The following RGS6 variants were observed in gnomAD, a reference collection of about 807,000 sequenced individuals.
RGS6 encodes the protein regulator of G protein signaling 6, also known as regulator of G-protein signaling 6.
A neutral mutation model predicts 78.5 loss-of-function variants in RGS6; 30 were observed. That is an observed-to-expected ratio of 0.38 (90% CI 0.29 to 0.52). The LOEUF (loss-of-function observed/expected upper bound fraction) is 0.52, where lower values mean the gene tolerates loss of function less well. RGS6 is among the 20% of genes least tolerant of loss of function. The pLI is 0.85. For missense variants in RGS6, 495 were observed against 609.7 expected (o/e 0.81, Z 1.98); for synonymous variants, 206 against 206.0 (o/e 1.00, Z 0.00).
chr14:72,022,498 T>G (rs1019496661), intron 2 of RGS6: 4 of 152,236 alleles, frequency 2.6e-5, no homozygotes, highest in African/African-American at 9.6e-5. Flanking sequence ...TGGAGATACC[T>G]CTTACCTTTG....
intron 1 of RGS6, among the ~76,000 whole-genome samples, chr14:71,958,019 GCA>G (rs1491500735): frequency 2.2e-5 from 3 of 134,318 alleles, no homozygotes; most frequent in African/African-American, 8.0e-5. Context: ...CCTCATGCAT[GCA>G]TATATATATA....
At chr14:72,354,764 T>C (rs1423547257) in intron 3 of RGS6, among the ~76,000 whole-genome samples, 1 of 152,160 alleles carries the variant, frequency 6.6e-6, no homozygotes, top group African/African-American at 2.4e-5. Context: ...TTTCAATATA[T>C]GAATTTGGAG....
chr14:72,235,940 C>A (rs1401046279), intron 2 of RGS6, among the ~76,000 whole-genome samples: 1 of 152,140 alleles, frequency 6.6e-6, no homozygotes, highest in Admixed American at 6.5e-5. Context: ...ATATCTTGTT[C>A]CAAATCAAAT....
At chr14:72,149,647 A>G (rs1423148714) in intron 2 of RGS6, among the ~76,000 whole-genome samples, 1 of 152,196 alleles carries the variant, frequency 6.6e-6, no homozygotes, top group African/African-American at 2.4e-5. Context: ...AGAGGAATAC[A>G]AATCAGATTT....
chr14:72,360,224 A>C (rs1380156643), intron 3 of RGS6, among the ~76,000 whole-genome samples: 1 of 152,114 alleles, frequency 6.6e-6, no homozygotes, highest in Non-Finnish European at 1.5e-5. Context: ...TTATTCATAG[A>C]AAGAAGAAAG....
At chr14:72,066,329 A>G (rs764424226) in intron 2 of RGS6, among the ~76,000 whole-genome samples, 2 of 152,108 alleles carry the variant, frequency 1.3e-5, no homozygotes, top group Non-Finnish European at 2.9e-5. Context: ...AGCTTTTTCT[A>G]AAGGTTTTTA....
chr14:72,536,939 G>C (rs994451198), intron 16 of RGS6, among the ~76,000 whole-genome samples: 1 of 152,074 alleles, frequency 6.6e-6, no homozygotes, highest in Admixed American at 6.6e-5. Context: ...TGGATTTGAG[G>C]TGCAGGGGCC....
At chr14:71,940,023 G>A (rs2090254135) in intron 1 of RGS6, among the ~76,000 whole-genome samples, 1 of 152,170 alleles carries the variant, frequency 6.6e-6, no homozygotes, top group African/African-American at 2.4e-5. Flanking sequence ...CTGGCCCTGG[G>A]GAAATGACCA....
chr14:72,570,759 G>A (rs1158626036), downstream of RGS6, among the ~76,000 whole-genome samples: 1 of 152,198 alleles, frequency 6.6e-6, no homozygotes, highest in African/African-American at 2.4e-5. Context: ...GATGACCCAG[G>A]GGTCCCCTCA....
intron 1 of RGS6, among the ~76,000 whole-genome samples, chr14:71,935,734 CCT>C (rs968611840): frequency 6.6e-6 from 1 of 151,908 alleles, no homozygotes; most frequent in Non-Finnish European, 1.5e-5. Flanking sequence ...GGCCTCTGGG[CCT>C]CTGTTTCCCT....
At chr14:72,229,744 GA>G (rs2049074036) in intron 2 of RGS6, among the ~76,000 whole-genome samples, 1 of 152,190 alleles carries the variant, frequency 6.6e-6, no homozygotes, top group South Asian at 2.1e-4. Flanking sequence ...GCTCCCTTCG[GA>G]GATTCTGGGA....
intron 2 of RGS6, among the ~76,000 whole-genome samples, chr14:72,119,221 A>G (rs2095985901): frequency 6.6e-6 from 1 of 152,214 alleles, no homozygotes; most frequent in African/African-American, 2.4e-5. Flanking sequence ...GGGCTGGAGC[A>G]TGACTAGATA....
intron 2 of RGS6, among the ~76,000 whole-genome samples, chr14:72,263,230 T>A (rs996006120): frequency 2.6e-5 from 4 of 152,210 alleles, no homozygotes; most frequent in African/African-American, 9.6e-5. Context: ...ATTGTATAAT[T>A]GATAGTCCAG....
At chr14:72,175,672 A>T (rs567211814) in intron 2 of RGS6, among the ~76,000 whole-genome samples, 24 of 152,316 alleles carry the variant, frequency 1.6e-4, no homozygotes, top group Admixed American at 1.4e-3. Flanking sequence ...TGAACGCTCT[A>T]GTCAGTGAGG....
intron 1 of RGS6, among the ~76,000 whole-genome samples, chr14:71,957,416 A>G (rs999004949): frequency 1.3e-5 from 2 of 151,702 alleles, no homozygotes; most frequent in Non-Finnish European, 2.9e-5. Context: ...TGGTCTTCAG[A>G]TATATGACGT....
intron 2 of RGS6, among the ~76,000 whole-genome samples, chr14:72,191,983 G>A (rs1233762849): frequency 1.3e-5 from 2 of 152,156 alleles, no homozygotes; most frequent in African/African-American, 4.8e-5. Flanking sequence ...CGTGGGGGTC[G>A]TTAGTGTTTG....
intron 2 of RGS6, among the ~76,000 whole-genome samples, chr14:72,228,235 G>T (rs1483722856): frequency 1.3e-5 from 2 of 152,092 alleles, no homozygotes; most frequent in African/African-American, 4.8e-5. Flanking sequence ...AAAAAAATTA[G>T]CCCTGCATTG....
chr14:72,145,542 C>T (rs1207234481), intron 2 of RGS6, among the ~76,000 whole-genome samples: 1 of 152,116 alleles, frequency 6.6e-6, no homozygotes, highest in Non-Finnish European at 1.5e-5. Flanking sequence ...GTACTGGTTC[C>T]ATCTCAGCTT....
chr14:72,042,065 C>A (rs892296745), intron 2 of RGS6, among the ~76,000 whole-genome samples: 1 of 151,592 alleles, frequency 6.6e-6, no homozygotes, highest in Non-Finnish European at 1.5e-5. Flanking sequence ...TAACTTCTGC[C>A]TACTTTCAGG....
Sources: allele counts gnomAD v4.1 joint callset (sites outside exome capture counted in the v4.1 genomes callset), GRCh38; gene constraint gnomAD v4.1.1; transcripts MANE v1.5; gene names NCBI Gene and HGNC (gene_info 2026-07-23, HGNC 2026-07-21).